Variants in SAMD12 observed in about 807,000 individuals in gnomAD.
The protein encoded by SAMD12 is sterile alpha motif domain-containing protein 12.
In SAMD12, 9 loss-of-function variants were observed where a neutral mutation model predicts 15.0. That is an observed-to-expected ratio of 0.60 (90% confidence interval 0.36 to 1.05). The LOEUF (loss-of-function observed/expected upper bound fraction) is 1.05. SAMD12 is among the 50% of genes least tolerant of loss of function. SAMD12 has a pLI of 0.01. For missense variants in SAMD12, 230 were observed against 234.2 expected (o/e 0.98, Z 0.12); for synonymous variants, 86 against 90.1 (o/e 0.96, Z 0.25).
chr8:118,597,009 G>C (rs1411646594), intron 1 of SAMD12, among the ~76,000 whole-genome samples: 4 of 152,142 alleles, frequency 2.6e-5, no homozygotes, highest in African/African-American at 9.7e-5. Flanking sequence ...GGGGCAAAGA[G>C]GCAGCTAGGT....
chr8:118,482,603 G>A (rs2515012), intron 2 of SAMD12, among the ~76,000 whole-genome samples: 23,583 of 152,040 alleles, frequency 0.16, 1,868 homozygotes, highest in East Asian at 0.27. Context: ...AGAGATTAAA[G>A]TATACAAGAG....
At chr8:118,196,982 A>C (rs1819583258) in exon 5 of SAMD12, 1 of 152,042 alleles carries the variant, frequency 6.6e-6, no homozygotes, top group African/African-American at 2.4e-5. Context: ...AAGTATCTGG[A>C]GGTGAAGTCT....
chr8:118,397,522 C>A lies in SAMD12; in HGVS notation c.323-17822G>T, dbSNP rs188799070. Among the ~76,000 whole-genome samples, 9 of 152,234 alleles carry A rather than the reference C, an allele frequency of 5.9e-5. No individual in the cohort carries two copies. The East Asian group carries it at 1.4e-3, about 23-fold the overall frequency. On this transcript the variant is annotated intron_variant, in intron 3 of 3. Transcript: ENST00000314727. Reference sequence around the variant, plus strand: ...GATTGTGGAACAGTGAAGAGTCTAGCGTGTCTAGGTCACTCGATAACTGAG... The same window carrying A: ...GATTGTGGAACAGTGAAGAGTCTAGAGTGTCTAGGTCACTCGATAACTGAG...
In SAMD12 at chr8:118,301,769, C is replaced by T. The variant is rs543630690; in HGVS notation, c.433+77791G>A. ...TGGATGAATACAGAATAAAAGTCAACATTCTCCTCTTCTGCATTTCTACAC... is the reference window on the plus strand; with the variant it reads ...TGGATGAATACAGAATAAAAGTCAATATTCTCCTCTTCTGCATTTCTACAC... On this transcript the variant is annotated intron_variant, in intron 4 of 4. Coordinates refer to the SAMD12 transcript ENST00000409003. Among the ~76,000 whole-genome samples the T allele has an allele frequency of 1.1e-4, 17 of 152,304 alleles. No homozygotes were observed. The East Asian group carries it at 2.9e-3, about 26-fold the overall frequency.
intron 2 of SAMD12, among the ~76,000 whole-genome samples, chr8:118,468,168 T>C (rs544311013): frequency 2.0e-5 from 3 of 152,200 alleles, no homozygotes; most frequent in African/African-American, 7.2e-5. Context: ...CAGATACACA[T>C]CCCAGGCCCA....
At chr8:118,157,419 G>A in the SAMD12 span, among the ~76,000 whole-genome samples, 4 of 152,158 alleles carry the variant, frequency 2.6e-5, no homozygotes, top group Non-Finnish European at 5.9e-5. Context: ...AGGGACAGAA[G>A]GTCAGGAATG....
intron 4 of SAMD12, among the ~76,000 whole-genome samples, chr8:118,365,428 G>A (rs1439026561): frequency 2.6e-5 from 4 of 152,172 alleles, no homozygotes; most frequent in African/African-American, 9.6e-5. Context: ...CCTGTCTGTT[G>A]AGAACATGAA....
intron 2 of SAMD12, among the ~76,000 whole-genome samples, chr8:118,489,666 T>C (rs959638934): frequency 6.6e-6 from 1 of 152,202 alleles, no homozygotes; most frequent in African/African-American, 2.4e-5. Flanking sequence ...TACAATACTG[T>C]TCATGTGATG....
the SAMD12 span, among the ~76,000 whole-genome samples, chr8:118,166,734 G>A: frequency 3.3e-5 from 5 of 152,156 alleles, no homozygotes; most frequent in Non-Finnish European, 4.4e-5. Context: ...TGCACACTAC[G>A]TTTCTCTAGG....
intron 3 of SAMD12, among the ~76,000 whole-genome samples, chr8:118,415,315 C>T (rs1049587523): frequency 6.6e-6 from 1 of 152,120 alleles, no homozygotes; most frequent in Non-Finnish European, 1.5e-5. Context: ...TCAACTGGCA[C>T]CTCTAATATG....
chr8:118,227,519 A>T (rs1393436348), intron 4 of SAMD12, among the ~76,000 whole-genome samples: 1 of 152,274 alleles, frequency 6.6e-6, no homozygotes, highest in East Asian at 1.9e-4. Flanking sequence ...GCCTAAAATG[A>T]GAGTTAAAAA....
intron 2 of SAMD12, among the ~76,000 whole-genome samples, chr8:118,531,715 T>A (rs1429664647): frequency 2.0e-5 from 3 of 152,206 alleles, no homozygotes; most frequent in Non-Finnish European, 4.4e-5. Flanking sequence ...CACTCATGAT[T>A]TGGCTCTCTG....
chr8:118,546,073 T>G (rs1389021396), intron 2 of SAMD12, among the ~76,000 whole-genome samples: 1 of 151,966 alleles, frequency 6.6e-6, no homozygotes, highest in Non-Finnish European at 1.5e-5. Context: ...CAAAGCAAGC[T>G]CCAAACAAAT....
At chr8:118,326,091 C>T (rs183845485) in intron 4 of SAMD12, among the ~76,000 whole-genome samples, 2 of 152,318 alleles carry the variant, frequency 1.3e-5, no homozygotes, top group South Asian at 2.1e-4. Context: ...TACTTAATCA[C>T]ACCTGGTGCT....
intron 2 of SAMD12, among the ~76,000 whole-genome samples, chr8:118,477,273 C>T (rs1420727370): frequency 6.6e-6 from 1 of 152,024 alleles, no homozygotes; most frequent in Non-Finnish European, 1.5e-5. Flanking sequence ...GCCATGTTGG[C>T]CAGGCTGGTC....
At chr8:118,525,584 TCTC>T (rs1207999552) in intron 2 of SAMD12, among the ~76,000 whole-genome samples, 2 of 152,152 alleles carry the variant, frequency 1.3e-5, no homozygotes, top group Non-Finnish European at 2.9e-5. Context: ...AACTTTGTGT[TCTC>T]CTCATACCAA....
At position 118,287,122 on chromosome 8, in the gene SAMD12, A is replaced by ATT. The variant is rs202200197; in HGVS notation, c.434-89392_434-89391dup. ...AACAAGAAACTGAGTAAGGAAGAAT[A>ATT]TTTTTTTTTTTTTTTTTTTTGAGAC... On this transcript the variant is annotated intron_variant, in intron 4 of 4. Coordinates refer to the SAMD12 transcript ENST00000409003. Among the ~76,000 whole-genome samples the ATT allele has an allele frequency of 1.4e-3, 185 of 132,820 alleles. 1 individual carries two copies. The highest frequency in any genetic ancestry group is 1.8e-3 in the African/African-American group (59 of 32,770). The allele number at this position is 132,820 out of a possible 152,430, so 87.1% of individuals were successfully genotyped here.
rs988723134 is a variant in SAMD12 at position 118,378,493 on chromosome 8, T to C, written c.*924A>G. The C allele has an allele frequency of 4.1e-6, 4 of 984,406 alleles. No individual in the cohort carries two copies. The African/African-American group carries it at 5.2e-5, about 13-fold the overall frequency. The allele number at this position is 984,406 out of a possible 1,614,324, so 61.0% of individuals were successfully genotyped here. A position where few individuals can be genotyped will look rare whatever the true frequency, so the allele number is the denominator to read the frequency against. ...CTATTTTACGATCACTTGAAATCTATATTTATCCTTCTAGAATAGTCATCT... is the reference window on the plus strand; with the variant it reads ...CTATTTTACGATCACTTGAAATCTACATTTATCCTTCTAGAATAGTCATCT... On this transcript the variant is annotated 3_prime_UTR_variant, in exon 4 of 4. Transcript: ENST00000314727.
intron 2 of SAMD12, among the ~76,000 whole-genome samples, chr8:118,519,358 A>G (rs1047784058): frequency 6.6e-6 from 1 of 152,216 alleles, no homozygotes; most frequent in Non-Finnish European, 1.5e-5. Flanking sequence ...CTTAAATTAT[A>G]TTGATTGTTA....
Sources: allele counts gnomAD v4.1 joint callset (sites outside exome capture counted in the v4.1 genomes callset), GRCh38; gene constraint gnomAD v4.1.1; transcripts MANE v1.5; gene names NCBI Gene and HGNC (gene_info 2026-07-23, HGNC 2026-07-21).